The following DGLUCY variants were observed in gnomAD, a reference collection of about 807,000 sequenced individuals.
DGLUCY encodes the protein D-glutamate cyclase, mitochondrial.
DGLUCY carries 58 observed loss-of-function variants against 58.5 expected under a neutral mutation model. That is an observed-to-expected ratio of 0.99 (90% confidence interval 0.80 to 1.23). The LOEUF is 1.23. DGLUCY is among the 50% of genes most tolerant of loss of function. The probability of loss-of-function intolerance (pLI) is 0.00; values close to 1 mark genes in which losing one functional copy is unlikely to be tolerated. For synonymous variants in DGLUCY, 325 were observed against 314.1 expected, an observed-to-expected ratio of 1.03 and a Z score of -0.37; for missense variants, 779 against 784.7, an observed-to-expected ratio of 0.99 and a Z score of 0.09.
rs150081859 is a variant in DGLUCY at position 91,190,894 on chromosome 14, T to C, written c.1195+1724T>C. Among the ~76,000 whole-genome samples the C allele has an allele frequency of 4.6e-3, 693 of 151,576 alleles. 6 individuals are homozygous for C. Among genetic ancestry groups the C allele is most frequent in the African/African-American group, 0.016 (664 of 41,286 alleles). On this transcript the variant is annotated intron_variant, in intron 9 of 13. Coordinates refer to ENST00000256324, the MANE Select transcript of DGLUCY (RefSeq NM_001102368.3). ...AATCACTGGGGTGCAGAGACAAGGG[T>C]GGAAACGGGAGACTGGTGAGTTATG...
intron 1 of DGLUCY, among the ~76,000 whole-genome samples, chr14:91,062,586 TATATATATATATATATATATATATAA>T (rs1454467537): frequency 0.052 from 1,282 of 24,538 alleles, 107 homozygotes; most frequent in African/African-American, 0.11. Context: ...TATATATATA[TATATATATATATATATATATATATAA>T]ACAATCCTTA....
intron 10 of DGLUCY, among the ~76,000 whole-genome samples, chr14:91,196,706 A>G (rs1429078482): frequency 6.8e-6 from 1 of 147,324 alleles, no homozygotes; most frequent in Non-Finnish European, 1.5e-5. Context: ...CAGCAGAGAG[A>G]GACAGCATAT....
intron 1 of DGLUCY, among the ~76,000 whole-genome samples, chr14:91,102,743 ATGTGTGTGTGTGTGTGTG>A (rs548653144): frequency 5.7e-4 from 75 of 130,680 alleles, no homozygotes; most frequent in Non-Finnish European, 9.5e-4. Context: ...TCCAGTGTGT[ATGTGTGTGTGTGTGTGTG>A]TGTGTGTGTG....
chr14:91,115,474 A>C (rs2044873254), intron 1 of DGLUCY, among the ~76,000 whole-genome samples: 1 of 152,010 alleles, frequency 6.6e-6, no homozygotes, highest in Admixed American at 6.6e-5. Context: ...CCCAGGCTGG[A>C]GTGCAGTGGT....
At chr14:91,218,522 C>G (rs547188987) in intron 13 of DGLUCY, among the ~76,000 whole-genome samples, 1 of 152,028 alleles carries the variant, frequency 6.6e-6, no homozygotes, top group South Asian at 2.1e-4. Context: ...CCTGCCTCAG[C>G]CTGCCAAGTA....
chr14:91,114,347 G>GC (rs957628750), intron 1 of DGLUCY, 64 bp downstream of exon 1: 2 of 152,194 alleles, frequency 1.3e-5, no homozygotes, highest in African/African-American at 4.8e-5. Flanking sequence ...TATCCACCTT[G>GC]CCCCGCCCCA....
At chr14:91,224,586 G>A in intron 13 of DGLUCY, 98 bp from the exon 14 acceptor site, 6 of 1,319,956 alleles carry the variant, frequency 4.5e-6, no homozygotes, top group Non-Finnish European at 6.0e-6. Flanking sequence ...AAGCAAGTAT[G>A]TCAAGGCAAA....
intron 1 of DGLUCY, among the ~76,000 whole-genome samples, chr14:91,084,204 CT>C (rs35881437): frequency 0.19 from 25,691 of 136,454 alleles, 2,231 homozygotes; most frequent in Middle Eastern, 0.35. Context: ...ATCTGTCTCT[CT>C]TTTTTTTTTT....
chr14:91,153,840 ACAGCCT>A (rs2047459109), intron 1 of DGLUCY, among the ~76,000 whole-genome samples: 1 of 152,240 alleles, frequency 6.6e-6, no homozygotes, highest in African/African-American at 2.4e-5. Context: ...GCGTTAACAT[ACAGCCT>A]CAGGCGGTCC....
chr14:91,157,558 G>A (rs1002114283), intron 1 of DGLUCY, 81 bp from the exon 2 acceptor site: 1 of 152,112 alleles, frequency 6.6e-6, no homozygotes, highest in African/African-American at 2.4e-5. Context: ...CACCATATAT[G>A]GTGGTAGTTG....
chr14:91,222,920 G>A (rs1887725308), intron 13 of DGLUCY, among the ~76,000 whole-genome samples: 2 of 152,188 alleles, frequency 1.3e-5, no homozygotes, highest in Admixed American at 6.5e-5. Flanking sequence ...ACAGATGGCC[G>A]CCTTCTTGCT....
intron 13 of DGLUCY, among the ~76,000 whole-genome samples, chr14:91,218,430 G>GTC (rs1886922913): frequency 6.7e-6 from 1 of 148,256 alleles, no homozygotes; most frequent in Non-Finnish European, 1.5e-5. Flanking sequence ...TTGAGATGGA[G>GTC]TCTCACTCTG....
chr14:91,158,310 C>G (rs1019442568), intron 2 of DGLUCY, among the ~76,000 whole-genome samples: 22 of 152,202 alleles, frequency 1.4e-4, no homozygotes, highest in Non-Finnish European at 7.3e-5. Context: ...TCACCTGACT[C>G]CTCCCAGCAC....
chr14:91,172,898 G>A (rs1051525876), intron 5 of DGLUCY, among the ~76,000 whole-genome samples: 4 of 152,126 alleles, frequency 2.6e-5, no homozygotes, highest in Non-Finnish European at 4.4e-5. Flanking sequence ...GCCCACCTCG[G>A]CCTCCCAAGT....
chr14:91,067,673 C>T (rs1391049454), intron 1 of DGLUCY, among the ~76,000 whole-genome samples: 2 of 152,014 alleles, frequency 1.3e-5, no homozygotes, highest in East Asian at 1.9e-4. Flanking sequence ...CTCAGTCTCC[C>T]AAGTAGTTGG....
intron 7 of DGLUCY, among the ~76,000 whole-genome samples, 181 bp from the exon 8 acceptor site, chr14:91,181,005 A>C (rs1398297487): frequency 6.6e-6 from 1 of 152,190 alleles, no homozygotes. Context: ...CAACTGTTTA[A>C]ATGGAACTTG....
chr14:91,062,334 G>A (rs762793319), intron 1 of DGLUCY, among the ~76,000 whole-genome samples: 10 of 151,512 alleles, frequency 6.6e-5, no homozygotes, highest in Non-Finnish European at 1.3e-4. Flanking sequence ...ATCACCTGAG[G>A]TCAGGAGTTC....
At chr14:91,079,455 G>A (rs531047784) in intron 1 of DGLUCY, among the ~76,000 whole-genome samples, 26 of 151,486 alleles carry the variant, frequency 1.7e-4, no homozygotes, top group Non-Finnish European at 3.2e-4. Flanking sequence ...CCAGGTTCAA[G>A]CAATTCTCCT....
At chr14:91,130,902 T>G (rs927092724) in intron 1 of DGLUCY, among the ~76,000 whole-genome samples, 3 of 152,184 alleles carry the variant, frequency 2.0e-5, no homozygotes, top group African/African-American at 7.2e-5. Flanking sequence ...TATTGATTAA[T>G]GAGAGTTCTT....
Sources: gnomAD v4.1 joint callset for allele counts (sites outside exome capture counted in the v4.1 genomes callset) on GRCh38, gnomAD v4.1.1 for gene constraint, MANE v1.5 for transcripts, NCBI Gene and HGNC (gene_info 2026-07-23, HGNC 2026-07-21) for gene names.